RAPGEF1: variants seen among roughly 807,000 people sequenced by gnomAD.
The protein encoded by RAPGEF1 is Rap guanine nucleotide exchange factor 1.
In RAPGEF1, 33 loss-of-function variants were observed where a neutral mutation model predicts 143.3. The ratio of observed to expected loss-of-function variants is 0.23; its 90% confidence interval spans 0.17 to 0.31. RAPGEF1 has a LOEUF of 0.31. Among genes scored for constraint, RAPGEF1 ranks in the 10% least tolerant of loss-of-function variants. The pLI is 1.00. For missense variants in RAPGEF1, 1,199 were observed against 1,645.4 expected, an observed-to-expected ratio of 0.73 and a Z score of 4.69; for synonymous variants, 629 against 676.5, an observed-to-expected ratio of 0.93 and a Z score of 1.09.
rs185115260 is a variant in RAPGEF1, at chr9:131,604,977, T to C, written c.2273A>G (p.His758Arg). Residue 758 changes from histidine to arginine, a missense_variant, in exon 13 of 27, where the codon CAT becomes CGT. This residue lies in a region of RAPGEF1 where 293 missense variants were observed against 356.2 expected (regional missense o/e 0.82). Transcript: ENST00000683357. ...GGAAGGAAGGCAGACAGTATTCCCATGAAAGCTGCTCTCCTGAGAAGCCGA... is the reference window on the plus strand; with the variant it reads ...GGAAGGAAGGCAGACAGTATTCCCACGAAAGCTGCTCTCCTGAGAAGCCGA... ...PLSASQESSFHGNTVCLPSET... is the reference protein window; with the variant it reads ...PLSASQESSFRGNTVCLPSET... 106 of 1,329,244 alleles carry C rather than the reference T, an allele frequency of 8.0e-5. No individual in the cohort carries two copies. The East Asian group carries it at 4.1e-3, about 51-fold the overall frequency. The allele number at this position is 1,329,244 out of a possible 1,614,324, so 82.3% of individuals were successfully genotyped here.
chr9:131,731,162 T>C (rs954382843), intron 1 of RAPGEF1, among the ~76,000 whole-genome samples: 1 of 152,202 alleles, frequency 6.6e-6, no homozygotes, highest in Non-Finnish European at 1.5e-5. Flanking sequence ...TCCTCCTCTG[T>C]AGGATGAGAA....
At chr9:131,600,834 C>T (rs1956145534) in intron 15 of RAPGEF1, among the ~76,000 whole-genome samples, 1 of 152,096 alleles carries the variant, frequency 6.6e-6, no homozygotes, top group African/African-American at 2.4e-5. Flanking sequence ...CGTATTTCTA[C>T]ACTTGGTCAG....
At position 131,621,999 on chromosome 9, in the gene RAPGEF1, CTG is replaced by C. The variant is rs1961221899; in HGVS notation, c.1703-3_1703-2del. On this transcript the variant is annotated splice_acceptor_variant and splice_polypyrimidine_tract_variant and intron_variant, in intron 10 of 26. Transcript: ENST00000683357. LOFTEE classifies it high-confidence loss of function. The surrounding 1 kb of genome is among the most constrained non-coding windows in gnomAD (Gnocchi z 4.5). ...TCCAGCAACTGCATGTAGGCCAGCA[CTG>C]TGAAACAAGGGAGAAAGCTGCAGCG... 2.5e-6 allele frequency: 4 copies of C among 1,612,118 alleles called. No individual in the cohort carries two copies. The highest frequency in any genetic ancestry group is 3.4e-6 in the Non-Finnish European group (4 of 1,179,084).
In RAPGEF1 at chr9:131,663,453, C is replaced by CTTT. The variant is rs57688948; in HGVS notation, c.62-12507_62-12505dup. Among the ~76,000 whole-genome samples the CTTT allele has an allele frequency of 5.8e-3, 827 of 141,414 alleles. 7 individuals carry two copies. Among genetic ancestry groups the CTTT allele is most frequent in the African/African-American group, 0.021 (782 of 38,120 alleles). 92.8% of individuals were successfully genotyped at this position (141,414 alleles called of 152,430 possible). On this transcript the variant is annotated intron_variant, in intron 1 of 26. Transcript: ENST00000683357. ...ATTTCTCTTATCAGATTCTCTATAGCTTTTTTTTTTTTTTTTTAAATCCAA... is the reference window on the plus strand; with the variant it reads ...ATTTCTCTTATCAGATTCTCTATAGCTTTTTTTTTTTTTTTTTTTTAAATCCAA...
At position 131,605,495 on chromosome 9, in the gene RAPGEF1, C is replaced by T. The variant is rs947085783; in HGVS notation, c.2062-307G>A. Among the ~76,000 whole-genome samples, 8 of 152,308 alleles carry T rather than the reference C, an allele frequency of 5.3e-5. No individual in the cohort carries two copies. The East Asian group carries it at 5.8e-4, about 11-fold the overall frequency. ...CTGCTGGGACAGAAAATAAAACCTG[C>T]GTGGCCCATCGCTGTCTTGTCTGCT... On this transcript the variant is annotated intron_variant, in intron 12 of 26. Transcript: ENST00000683357.
At chr9:131,589,028 G>A in intron 19 of RAPGEF1, 42 bp from the exon 20 acceptor site, 1 of 1,583,494 alleles carries the variant, frequency 6.3e-7, no homozygotes, top group Non-Finnish European at 8.6e-7. Context: ...AGGAACGCAA[G>A]GCCCAGGCAG....
chr9:131,717,901 T>C (rs1040084195), intron 1 of RAPGEF1, among the ~76,000 whole-genome samples: 1 of 152,050 alleles, frequency 6.6e-6, no homozygotes. Flanking sequence ...TGAACAAAGA[T>C]GTGAGGCAGC....
In RAPGEF1 at chr9:131,584,105, A is replaced by G. The variant is rs1952312660; in HGVS notation, c.3414+206T>C. Among the ~76,000 whole-genome samples, 1 of 152,154 alleles carries G rather than the reference A, an allele frequency of 6.6e-6. No individual in the cohort carries two copies. Among genetic ancestry groups the G allele is most frequent in the Non-Finnish European group, 1.5e-5 (1 of 68,020 alleles). The stretch of plus-strand genomic sequence containing the variant: ...TGTGACCACCCCAGAACCAACCTCG[A>G]AGCTCCCGGGGGCCTGAAGATTGGG... On this transcript the variant is annotated intron_variant, in intron 24 of 26. Transcript: ENST00000683357. This position sits in a 1 kb window ranked among gnomAD's most constrained non-coding sequence, Gnocchi z 6.8.
intron 12 of RAPGEF1, among the ~76,000 whole-genome samples, chr9:131,615,105 C>CAT (rs1958721983): frequency 6.6e-6 from 1 of 152,232 alleles, no homozygotes; most frequent in Non-Finnish European, 1.5e-5. Context: ...CGGAGTCTTG[C>CAT]TCTGTTGCCC....
At chr9:131,580,704 TA>T (rs1176180627) in intron 25 of RAPGEF1, among the ~76,000 whole-genome samples, 102 of 143,030 alleles carry the variant, frequency 7.1e-4, no homozygotes, top group East Asian at 1.6e-3. Context: ...AAATGAGCAG[TA>T]AAAAAAAAAA....
At position 131,621,819 on chromosome 9, in the gene RAPGEF1, G is replaced by A. The variant is rs1356775809; in HGVS notation, c.1882C>T (p.Leu628=). Residue 628 remains leucine (L), a synonymous_variant, in exon 11 of 27, where the codon CTA becomes TTA. Coordinates refer to ENST00000683357, the MANE Select transcript of RAPGEF1 (RefSeq NM_001377935.1). This position sits in a 1 kb window ranked among gnomAD's most constrained non-coding sequence, Gnocchi z 4.5. ...SVQELAPPPA[L]PPKQRQLASC... Reference sequence around the variant, plus strand: ...ACCAGCTGCCGCTGCTTGGGGGGTAGGGCGGGCGGCGGGGCCAGCTCCTGC... The same window carrying A: ...ACCAGCTGCCGCTGCTTGGGGGGTAAGGCGGGCGGCGGGGCCAGCTCCTGC... 11 of 1,608,564 alleles carry A rather than the reference G, an allele frequency of 6.8e-6. No homozygotes were observed. Among genetic ancestry groups the A allele is most frequent in the African/African-American group, 2.7e-5 (2 of 74,830 alleles).
At chr9:131,680,724 C>T (rs1277754322) in intron 1 of RAPGEF1, among the ~76,000 whole-genome samples, 4 of 152,228 alleles carry the variant, frequency 2.6e-5, no homozygotes, top group Admixed American at 6.5e-5. Context: ...GACTGGCTTG[C>T]TGTTAATAAA....
chr9:131,647,356 G>A (rs573615950), intron 3 of RAPGEF1, among the ~76,000 whole-genome samples: 1 of 152,328 alleles, frequency 6.6e-6, no homozygotes, highest in East Asian at 1.9e-4. Flanking sequence ...TTATGGTGAG[G>A]AGTAAATAAG....
intron 9 of RAPGEF1, among the ~76,000 whole-genome samples, chr9:131,627,101 C>A (rs1254736692): frequency 6.6e-6 from 1 of 151,160 alleles, no homozygotes; most frequent in Non-Finnish European, 1.5e-5. Context: ...GTAATCCCAG[C>A]TGCTTGGGAG....
intron 1 of RAPGEF1, among the ~76,000 whole-genome samples, chr9:131,734,941 C>T (rs955754537): frequency 4.6e-5 from 7 of 152,240 alleles, no homozygotes; most frequent in Non-Finnish European, 8.8e-5. Flanking sequence ...GCCCAGTGAA[C>T]TGCTCCAAGG....
At chr9:131,712,918 C>T (rs1014050481) in intron 1 of RAPGEF1, among the ~76,000 whole-genome samples, 2 of 152,088 alleles carry the variant, frequency 1.3e-5, no homozygotes, top group African/African-American at 4.8e-5. Flanking sequence ...TCTCTAATCC[C>T]CAGCTCAGAA....
At chr9:131,645,083 G>C (rs1278041543) in intron 3 of RAPGEF1, among the ~76,000 whole-genome samples, 1 of 152,246 alleles carries the variant, frequency 6.6e-6, no homozygotes, top group East Asian at 1.9e-4. Flanking sequence ...TTCACTACCT[G>C]ACAGATTTGT....
chr9:131,674,273 G>A (rs1831905869), intron 1 of RAPGEF1, among the ~76,000 whole-genome samples: 1 of 152,058 alleles, frequency 6.6e-6, no homozygotes, highest in South Asian at 2.1e-4. Flanking sequence ...GTTAAAATCG[G>A]GGGTGCTTCA....
intron 17 of RAPGEF1, among the ~76,000 whole-genome samples, chr9:131,592,914 G>T (rs1179487237): frequency 1.3e-5 from 2 of 152,118 alleles, no homozygotes; most frequent in African/African-American, 4.8e-5. Context: ...ACTACGCCTG[G>T]CTGATTTTAA....
Sources: gnomAD v4.1 joint callset for allele counts (sites outside exome capture counted in the v4.1 genomes callset) on GRCh38, gnomAD v4.1.1 for gene constraint, gnomAD v4.1.1 regional missense constraint, Gnocchi (gnomAD v3.1) non-coding constraint, MANE v1.5 for transcripts, NCBI Gene and HGNC (gene_info 2026-07-23, HGNC 2026-07-21) for gene names.